Variants in BEND7 observed in about 807,000 individuals in gnomAD.
The protein encoded by BEND7 is BEN domain containing 7.
BEND7 carries 28 observed loss-of-function variants against 50.9 expected under a neutral mutation model. That is an observed-to-expected ratio of 0.55 (90% CI 0.41 to 0.75). BEND7 has a LOEUF of 0.75. Ranked by LOEUF, BEND7 falls within the 30% of genes least tolerant of loss-of-function variation. BEND7 has a pLI of 0.00. For synonymous variants in BEND7, 170 were observed against 183.9 expected, an observed-to-expected ratio of 0.92 and a Z score of 0.61; for missense variants, 477 against 491.3, an observed-to-expected ratio of 0.97 and a Z score of 0.28.
intron 2 of BEND7, chr10:13,500,528 G>C: frequency 2.0e-6 from 2 of 990,884 alleles, no homozygotes; most frequent in Non-Finnish European, 2.4e-6. Flanking sequence ...AGCTTCACCA[G>C]GCGGGGCAAG....
chr10:13,515,470 A>G (rs2078598380), intron 2 of BEND7, among the ~76,000 whole-genome samples: 1 of 152,268 alleles, frequency 6.6e-6, no homozygotes, highest in South Asian at 2.1e-4. Context: ...AACATGCAAT[A>G]CCAAGAAAAC....
In BEND7 at chr10:13,528,649, C is replaced by G; in HGVS notation, c.-116G>C. 1.8e-6 allele frequency: 1 copy of G among 544,876 alleles called. No homozygotes were observed. Among genetic ancestry groups the G allele is most frequent in the Non-Finnish European group, 2.3e-6 (1 of 431,432 alleles). The allele number at this position is 544,876 out of a possible 1,614,324, so 33.8% of individuals were successfully genotyped here. ...GTCACCGCGGCGGAGCCGCCGGGAC[C>G]AAGGTCCGCGCCTGGAGTCGGCGAG... On this transcript the variant is annotated 5_prime_UTR_variant, in exon 1 of 9. Coordinates refer to ENST00000466271, the MANE Select transcript of BEND7 (RefSeq NM_001369863.1).
chr10:13,470,515 G>A (rs933711145), intron 6 of BEND7, among the ~76,000 whole-genome samples: 3 of 152,204 alleles, frequency 2.0e-5, no homozygotes, highest in Admixed American at 1.3e-4. Context: ...TCCACAACTG[G>A]TTCCTGCCCA....
At chr10:13,444,940 G>A (rs966563871) in intron 8 of BEND7, 1 of 151,952 alleles carries the variant, frequency 6.6e-6, no homozygotes, top group Non-Finnish European at 1.5e-5. Context: ...TCAGCCTCCT[G>A]AGTAGCTGGG....
At chr10:13,471,539 C>T (rs1227050652) in intron 6 of BEND7, among the ~76,000 whole-genome samples, 4 of 152,324 alleles carry the variant, frequency 2.6e-5, no homozygotes, top group East Asian at 1.9e-4. Context: ...TTTAGTGATC[C>T]GTAAGTGAGA....
chr10:13,495,930 T>C (rs1490639994), intron 4 of BEND7, among the ~76,000 whole-genome samples: 1 of 152,214 alleles, frequency 6.6e-6, no homozygotes, highest in East Asian at 1.9e-4. Flanking sequence ...GAAAACTTAA[T>C]ACAATGATTT....
At chr10:13,494,366 G>A (rs942218427) in intron 4 of BEND7, among the ~76,000 whole-genome samples, 7 of 152,156 alleles carry the variant, frequency 4.6e-5, no homozygotes, top group Non-Finnish European at 7.3e-5. Context: ...GCAGTGAGCC[G>A]AGATTACGCC....
At position 13,528,798 on chromosome 10, in the gene BEND7, C is replaced by T. The variant is rs936666968; in HGVS notation, c.-265G>A. On this transcript the variant is annotated 5_prime_UTR_variant, in exon 1 of 9. Coordinates refer to ENST00000466271, the MANE Select transcript of BEND7 (RefSeq NM_001369863.1). ...GCGCCGCCTCCCGGTGCCCTAGGCG[C>T]CCCCGCGGCCCCCGCTCATGCCGGC... is the stretch of plus-strand genomic sequence containing the variant. The T allele has an allele frequency of 2.1e-5, 3 of 145,786 alleles. No homozygotes were observed. Among genetic ancestry groups the T allele is most frequent in the South Asian group, 4.2e-4 (2 of 4,810 alleles). The allele number at this position is 145,786 out of a possible 1,614,324, so 9.0% of individuals were successfully genotyped here.
intron 5 of BEND7, among the ~76,000 whole-genome samples, chr10:13,483,612 G>A (rs1416075303): frequency 1.3e-5 from 2 of 152,198 alleles, no homozygotes; most frequent in African/African-American, 4.8e-5. Flanking sequence ...AGTTCATGTG[G>A]TACCTCCAGG....
chr10:13,477,354 C>T (rs560556771), intron 6 of BEND7, among the ~76,000 whole-genome samples: 2 of 152,242 alleles, frequency 1.3e-5, no homozygotes, highest in South Asian at 4.1e-4. Context: ...TTTACAAAAT[C>T]GTTTCCAAGG....
At chr10:13,489,485 G>A (rs2076491913) in intron 5 of BEND7, among the ~76,000 whole-genome samples, 1 of 152,144 alleles carries the variant, frequency 6.6e-6, no homozygotes, top group South Asian at 2.1e-4. Context: ...TCTTGGCTGT[G>A]TGAACTTGTG....
chr10:13,466,436 G>T lies in BEND7; in HGVS notation c.1064-13778C>A, dbSNP rs553552122. ...TAGCTGGGCGTGGTGGCGCACACCT[G>T]TAATCCCAGCTACTAGGGAGGCTGA... On this transcript the variant is annotated intron_variant, in intron 6 of 8. Transcript: ENST00000466271. 3.9e-5 allele frequency among the ~76,000 whole-genome samples: 6 copies of T among 152,108 alleles called. No individual in the cohort carries two copies. In the East Asian group the frequency reaches 1.2e-3, roughly 29 times the overall value.
chr10:13,487,383 CT>C (rs1282658878), intron 5 of BEND7, among the ~76,000 whole-genome samples: 3 of 26,518 alleles, frequency 1.1e-4, no homozygotes, highest in African/African-American at 2.8e-4. Flanking sequence ...CTTTTCTTTT[CT>C]TTTCTTTTTT....
intron 6 of BEND7, among the ~76,000 whole-genome samples, chr10:13,474,852 T>G (rs1465783553): frequency 6.6e-6 from 1 of 152,258 alleles, no homozygotes; most frequent in African/African-American, 2.4e-5. Flanking sequence ...TAAACTCAGG[T>G]TGATACCTGT....
At chr10:13,519,475 C>CA (rs1416023369) in intron 2 of BEND7, among the ~76,000 whole-genome samples, 7 of 120,362 alleles carry the variant, frequency 5.8e-5, no homozygotes, top group African/African-American at 2.1e-4. Flanking sequence ...GACTCCGTCT[C>CA]AAAAAAAAGA....
In BEND7 at chr10:13,441,105, A is replaced by C; in HGVS notation, c.*638T>G. The C allele has an allele frequency of 1.0e-6, 1 of 985,394 alleles. No individual in the cohort carries two copies. Among genetic ancestry groups the C allele is most frequent in the Non-Finnish European group, 1.2e-6 (1 of 829,900 alleles). 61.0% of individuals were successfully genotyped at this position (985,394 alleles called of 1,614,324 possible). ...CACGCACGTTCAATTAAAGTAATTT[A>C]TTGTATTCTTCCAGATCAGACATAA... On this transcript the variant is annotated 3_prime_UTR_variant, in exon 9 of 9. Transcript: ENST00000466271.
chr10:13,466,864 G>A (rs2074299123), intron 6 of BEND7, among the ~76,000 whole-genome samples: 1 of 152,168 alleles, frequency 6.6e-6, no homozygotes, highest in Non-Finnish European at 1.5e-5. Context: ...GAGGCGCTGA[G>A]TTTACCCCCT....
intron 6 of BEND7, among the ~76,000 whole-genome samples, chr10:13,459,175 C>A (rs1480158522): frequency 6.6e-6 from 1 of 152,060 alleles, no homozygotes; most frequent in African/African-American, 2.4e-5. Flanking sequence ...CTTGAGGATG[C>A]TGGGTGTTAC....
In BEND7 at chr10:13,481,084, G is replaced by C. The variant is rs773148014; in HGVS notation, c.878C>G (p.Pro293Arg). Reference protein sequence around the residue: ...QLAEGFDVFMPKSQLDSILSN... With the variant: ...QLAEGFDVFMRKSQLDSILSN... ...CAATATAGAGTCCAGCTGAGATTTAGGCATAAACACGTCAAAGCCTTCAGC... is the reference window on the plus strand; with the variant it reads ...CAATATAGAGTCCAGCTGAGATTTACGCATAAACACGTCAAAGCCTTCAGC... Residue 293 changes from proline (P) to arginine (R), a missense_variant, in exon 6 of 9, where the codon CCT (proline) becomes CGT (arginine). Pro to Arg is a moderately radical substitution (Grantham distance 103, BLOSUM62 -2). Around this residue, in one of 3 missense-constraint regions of BEND7, gnomAD observed 396 missense variants for 384.2 expected, o/e 1.03. Transcript: ENST00000466271. The C allele has an allele frequency of 1.2e-6, 2 of 1,614,044 alleles. No homozygotes were observed. Among genetic ancestry groups the C allele is most frequent in the South Asian group, 2.2e-5 (2 of 91,072 alleles).
Sources: allele counts gnomAD v4.1 joint callset (sites outside exome capture counted in the v4.1 genomes callset), GRCh38; gene constraint gnomAD v4.1.1; regional missense constraint gnomAD v4.1.1; transcripts MANE v1.5; gene names NCBI Gene and HGNC (gene_info 2026-07-23, HGNC 2026-07-21).